Variants in RBFOX3 observed in about 807,000 individuals in gnomAD.
RBFOX3 encodes RNA binding protein fox-1 homolog 3.
RBFOX3 carries 17 observed loss-of-function variants against 48.7 expected under a neutral mutation model. That is an observed-to-expected ratio of 0.35 (90% CI 0.24 to 0.52). The LOEUF (loss-of-function observed/expected upper bound fraction) is 0.52. Ranked by LOEUF, RBFOX3 falls within the 20% of genes least tolerant of loss-of-function variation. The pLI, the probability that RBFOX3 is intolerant of heterozygous loss-of-function variation, is 0.94. For synonymous variants in RBFOX3, 212 were observed against 209.5 expected, an observed-to-expected ratio of 1.01 and a Z score of -0.10; for missense variants, 382 against 497.5, an observed-to-expected ratio of 0.77 and a Z score of 2.21.
At chr17:79,174,126 G>C (rs567429233) in intron 4 of RBFOX3, among the ~76,000 whole-genome samples, 2 of 152,252 alleles carry the variant, frequency 1.3e-5, no homozygotes, top group East Asian at 3.9e-4. Context: ...CAGGCCTGGT[G>C]GTGGGGACCA....
At chr17:79,323,728 G>A (rs1031415722) in intron 2 of RBFOX3, among the ~76,000 whole-genome samples, 4 of 152,250 alleles carry the variant, frequency 2.6e-5, no homozygotes, top group Admixed American at 2.0e-4. Flanking sequence ...GCCAGAGATG[G>A]CTGCGTGCCG....
chr17:79,118,102 G>A (rs1332626786), intron 4 of RBFOX3, among the ~76,000 whole-genome samples: 1 of 152,010 alleles, frequency 6.6e-6, no homozygotes, highest in East Asian at 1.9e-4. Flanking sequence ...GAAGCCCCCA[G>A]TGCCGGCCGG....
rs528028078 is a variant in RBFOX3 at position 79,109,025 on chromosome 17, C to T, written c.223-2237G>A. On this transcript the variant is annotated intron_variant, in intron 5 of 14. Transcript: ENST00000693108. ...CTGTCCCGATGCTCACCTGGGCATG[C>T]GCTGCAGGACCTGTCTCAGCAGACG... Among the ~76,000 whole-genome samples, 255 of 152,394 alleles carry T rather than the reference C, an allele frequency of 1.7e-3. 1 individual carries two copies. Among genetic ancestry groups the T allele is most frequent in the African/African-American group, 5.9e-3 (247 of 41,598 alleles).
At chr17:79,166,968 C>T (rs1476382850) in intron 4 of RBFOX3, among the ~76,000 whole-genome samples, 15 of 152,198 alleles carry the variant, frequency 9.9e-5, no homozygotes, top group Admixed American at 9.8e-4. Context: ...GACCAGTGGC[C>T]ATGCCTCCGG....
chr17:79,619,767 G>C, the RBFOX3 span, among the ~76,000 whole-genome samples: 2 of 152,042 alleles, frequency 1.3e-5, no homozygotes, highest in East Asian at 3.9e-4. Flanking sequence ...GTGTCACCCA[G>C]GAAGCACTCC....
chr17:79,245,679 G>A (rs2063071420), intron 3 of RBFOX3, among the ~76,000 whole-genome samples: 1 of 149,440 alleles, frequency 6.7e-6, no homozygotes, highest in Non-Finnish European at 1.5e-5. Flanking sequence ...CCAGGCTGGA[G>A]TGCAGTGGCG....
chr17:79,329,166 C>T (rs752162761), intron 2 of RBFOX3, among the ~76,000 whole-genome samples: 4 of 152,186 alleles, frequency 2.6e-5, no homozygotes, highest in Non-Finnish European at 5.9e-5. Flanking sequence ...CTGCTCTGAG[C>T]TTCCCATGGT....
intron 2 of RBFOX3, among the ~76,000 whole-genome samples, chr17:79,426,050 G>T (rs1266839038): frequency 3.3e-5 from 5 of 152,098 alleles, no homozygotes; most frequent in African/African-American, 1.2e-4. Flanking sequence ...ATGGCCTGGA[G>T]CTGGGGAGGA....
intron 1 of RBFOX3, among the ~76,000 whole-genome samples, chr17:79,597,008 A>G (rs1427783058): frequency 1.3e-5 from 2 of 152,108 alleles, no homozygotes; most frequent in African/African-American, 4.8e-5. Context: ...CCCTCCTAGG[A>G]CACTGCAAGA....
chr17:79,370,262 G>A (rs1217137632), intron 2 of RBFOX3, among the ~76,000 whole-genome samples: 1 of 152,210 alleles, frequency 6.6e-6, no homozygotes, highest in Non-Finnish European at 1.5e-5. Flanking sequence ...ACACCACTCT[G>A]CCCGGGTTGC....
chr17:79,558,505 G>A (rs1282975426), intron 1 of RBFOX3, among the ~76,000 whole-genome samples: 2 of 152,044 alleles, frequency 1.3e-5, no homozygotes, highest in Admixed American at 6.5e-5. Flanking sequence ...AAACACCAGG[G>A]CCCACACTTC....
chr17:79,418,361 G>A lies in RBFOX3; in HGVS notation c.-175+64093C>T, dbSNP rs1017486688. On this transcript the variant is annotated intron_variant, in intron 2 of 14. Coordinates refer to ENST00000693108, the MANE Select transcript of RBFOX3 (RefSeq NM_001350451.2). This position sits in a 1 kb window ranked among gnomAD's most constrained non-coding sequence, Gnocchi z 5.0. ...GTTTCCCACACTAAAAGTTGGCCAC[G>A]TTCTTCCTACAGCAAAAGAAAGGTA... Among the ~76,000 whole-genome samples the A allele has an allele frequency of 2.0e-5, 3 of 152,100 alleles. No individual in the cohort carries two copies. Among genetic ancestry groups the A allele is most frequent in the Admixed American group, 6.5e-5 (1 of 15,268 alleles).
intron 4 of RBFOX3, among the ~76,000 whole-genome samples, chr17:79,147,824 G>A (rs2043359034): frequency 6.6e-6 from 1 of 152,260 alleles, no homozygotes; most frequent in South Asian, 2.1e-4. Flanking sequence ...GCTTTGCCAA[G>A]CGCCTTCGAT....
At chr17:79,555,301 A>G (rs1444304456) in intron 1 of RBFOX3, among the ~76,000 whole-genome samples, 3 of 103,852 alleles carry the variant, frequency 2.9e-5, no homozygotes, top group East Asian at 2.7e-4. Context: ...GATGGTGGTG[A>G]TGATGGTAGT....
rs373727615 is a variant in RBFOX3 at position 79,115,480 on chromosome 17, G to A, written c.222+14C>T. The A allele has an allele frequency of 6.1e-4, 801 of 1,311,808 alleles. No individual in the cohort carries two copies. The highest frequency in any genetic ancestry group is 6.5e-4 in the East Asian group (21 of 32,418). The allele number at this position is 1,311,808 out of a possible 1,614,324, so 81.3% of individuals were successfully genotyped here. ...AAGCTCCAGGGCTGGGCCTGGGGTCGTGGGGGCCCTTACCGGCACTGTCTG... is the reference window on the plus strand; with the variant it reads ...AAGCTCCAGGGCTGGGCCTGGGGTCATGGGGGCCCTTACCGGCACTGTCTG... On this transcript the variant is annotated intron_variant, in intron 5 of 14. Coordinates refer to ENST00000693108, the MANE Select transcript of RBFOX3 (RefSeq NM_001350451.2).
intron 1 of RBFOX3, among the ~76,000 whole-genome samples, chr17:79,497,232 G>A (rs1332612687): frequency 3.3e-5 from 5 of 152,164 alleles, no homozygotes; most frequent in Admixed American, 1.3e-4. Flanking sequence ...GGCTATAATG[G>A]TACAGATATT....
At chr17:79,573,754 G>T (rs1002535886) in intron 1 of RBFOX3, among the ~76,000 whole-genome samples, 2 of 152,068 alleles carry the variant, frequency 1.3e-5, no homozygotes, top group South Asian at 2.1e-4. Flanking sequence ...CCCTCCCCCC[G>T]GCATCACCTG....
At chr17:79,474,517 T>A (rs1234200983) in intron 2 of RBFOX3, among the ~76,000 whole-genome samples, 1 of 152,184 alleles carries the variant, frequency 6.6e-6, no homozygotes, top group Non-Finnish European at 1.5e-5. Context: ...GGACTCAGCA[T>A]CTCAGAGGAG....
chr17:79,309,644 C>T (rs1045306500), intron 2 of RBFOX3, among the ~76,000 whole-genome samples: 1 of 152,128 alleles, frequency 6.6e-6, no homozygotes, highest in South Asian at 2.1e-4. Flanking sequence ...ACTCTGTGTC[C>T]CCACCCAAGT....
Sources: gnomAD v4.1 joint callset for allele counts (sites outside exome capture counted in the v4.1 genomes callset) on GRCh38, gnomAD v4.1.1 for gene constraint, Gnocchi (gnomAD v3.1) non-coding constraint, MANE v1.5 for transcripts, NCBI Gene and HGNC (gene_info 2026-07-23, HGNC 2026-07-21) for gene names.